Variants in SEMA5A observed in about 807,000 individuals in gnomAD.
The protein encoded by SEMA5A is semaphorin 5A, also known as semaphorin-5A.
Under a neutral mutation model 135.5 loss-of-function variants are expected in SEMA5A, and 55 were observed. The observed-to-expected ratio is 0.41, with a 90% CI of 0.33 to 0.51. SEMA5A has a LOEUF of 0.51. Ranked by LOEUF, SEMA5A falls within the 20% of genes least tolerant of loss-of-function variation. The pLI is 0.37. For missense variants in SEMA5A, 1,290 were observed against 1,419.9 expected (o/e 0.91, Z 1.47); for synonymous variants, 580 against 546.5 (o/e 1.06, Z -0.85).
At chr5:9,499,286 C>G (rs1735463608) in intron 1 of SEMA5A, among the ~76,000 whole-genome samples, 2 of 152,254 alleles carry the variant, frequency 1.3e-5, no homozygotes, top group South Asian at 2.1e-4. Flanking sequence ...GTGTCGTGTC[C>G]TTATTTTCTT....
At chr5:9,052,202 C>T (rs968270159) in intron 19 of SEMA5A, among the ~76,000 whole-genome samples, 174 bp from the exon 20 acceptor site, 11 of 152,164 alleles carry the variant, frequency 7.2e-5, no homozygotes, top group Admixed American at 2.0e-4. Context: ...CCAGTACATA[C>T]AGTACACACG....
chr5:9,108,126 A>G lies in SEMA5A; in HGVS notation c.2073+14T>C. The G allele has an allele frequency of 6.2e-7, 1 of 1,612,180 alleles. No individual in the cohort carries two copies. Among genetic ancestry groups the G allele is most frequent in the Non-Finnish European group, 8.5e-7 (1 of 1,178,828 alleles). ...TCTGGATTGTGGGCTGGGTGTGAGAAGAAGGCTACTCACCACATTGCAGCC... is the reference window on the plus strand; with the variant it reads ...TCTGGATTGTGGGCTGGGTGTGAGAGGAAGGCTACTCACCACATTGCAGCC... On this transcript the variant is annotated intron_variant, in intron 16 of 22. Transcript: ENST00000382496.
chr5:9,140,302 G>T (rs911053325), intron 12 of SEMA5A, among the ~76,000 whole-genome samples: 17 of 152,174 alleles, frequency 1.1e-4, no homozygotes, highest in African/African-American at 3.9e-4. Flanking sequence ...ACACGCAATT[G>T]ATTTAATAAC....
chr5:9,050,814 T>C (rs1736532403), intron 20 of SEMA5A, among the ~76,000 whole-genome samples: 2 of 152,232 alleles, frequency 1.3e-5, no homozygotes, highest in South Asian at 4.1e-4. Context: ...GTATTCCTGC[T>C]TCTGAGACTT....
chr5:9,071,655 CAAGTA>C (rs1737775121), intron 16 of SEMA5A, among the ~76,000 whole-genome samples: 1 of 152,000 alleles, frequency 6.6e-6, no homozygotes, highest in Admixed American at 6.6e-5. Flanking sequence ...TCATACATTG[CAAGTA>C]AAGTAGAGAG....
chr5:9,492,462 T>C (rs962959019), intron 1 of SEMA5A, among the ~76,000 whole-genome samples: 4 of 152,138 alleles, frequency 2.6e-5, no homozygotes, highest in Non-Finnish European at 4.4e-5. Context: ...CCATTAGTTA[T>C]CTGAATGGAG....
chr5:9,165,014 C>G (rs142121881), intron 11 of SEMA5A, among the ~76,000 whole-genome samples: 1 of 152,172 alleles, frequency 6.6e-6, no homozygotes, highest in Non-Finnish European at 1.5e-5. Context: ...CTTCTATCAT[C>G]ATGAGTGCAT....
At chr5:9,359,498 A>C (rs754458117) in intron 3 of SEMA5A, among the ~76,000 whole-genome samples, 1 of 152,190 alleles carries the variant, frequency 6.6e-6, no homozygotes, top group Non-Finnish European at 1.5e-5. Context: ...TGGCCAGAGA[A>C]GGAATTTCCT....
At chr5:9,334,154 G>C (rs1413287316) in intron 4 of SEMA5A, among the ~76,000 whole-genome samples, 1 of 151,874 alleles carries the variant, frequency 6.6e-6, no homozygotes, top group Non-Finnish European at 1.5e-5. Context: ...GGAACATACA[G>C]TATCACTAGT....
intron 1 of SEMA5A, among the ~76,000 whole-genome samples, chr5:9,478,268 C>A (rs268515): frequency 3.3e-5 from 5 of 152,222 alleles, no homozygotes; most frequent in Non-Finnish European, 7.3e-5. Context: ...TCATGGAGAA[C>A]CTCTACTCAG....
chr5:9,071,004 T>C (rs1737739764), intron 16 of SEMA5A, among the ~76,000 whole-genome samples: 1 of 152,200 alleles, frequency 6.6e-6, no homozygotes, highest in Non-Finnish European at 1.5e-5. Context: ...TTAACAAAAC[T>C]GCACTTAATA....
intron 13 of SEMA5A, among the ~76,000 whole-genome samples, chr5:9,133,863 C>T (rs1434402581): frequency 6.6e-6 from 1 of 151,152 alleles, no homozygotes; most frequent in African/African-American, 2.4e-5. Context: ...CTCTGTGTCC[C>T]CACCTAAATC....
intron 9 of SEMA5A, among the ~76,000 whole-genome samples, chr5:9,199,487 C>T (rs1745589539): frequency 6.6e-6 from 1 of 152,194 alleles, no homozygotes; most frequent in African/African-American, 2.4e-5. Flanking sequence ...TCAGGGTCTC[C>T]AGACCTGTGG....
In SEMA5A at chr5:9,422,808, T is replaced by C. The variant is rs183157820; in HGVS notation, c.-78+14948A>G. On this transcript the variant is annotated intron_variant, in intron 2 of 22. Transcript: ENST00000382496. ...TTATTGGTATCACCAATAAAGAGGA[T>C]GTTGAATTATGTTTCTCATTCCAAA... Among the ~76,000 whole-genome samples the C allele has an allele frequency of 2.6e-5, 4 of 152,362 alleles. No homozygotes were observed. The East Asian group carries it at 7.7e-4, about 29-fold the overall frequency.
At chr5:9,130,538 G>T (rs1026508932) in intron 13 of SEMA5A, among the ~76,000 whole-genome samples, 4 of 152,162 alleles carry the variant, frequency 2.6e-5, no homozygotes, top group Non-Finnish European at 4.4e-5. Flanking sequence ...TGGGGCAATA[G>T]TTATCTAATA....
intron 1 of SEMA5A, among the ~76,000 whole-genome samples, chr5:9,461,617 A>G (rs923239648): frequency 6.6e-6 from 1 of 152,166 alleles, no homozygotes; most frequent in Non-Finnish European, 1.5e-5. Flanking sequence ...ACCTGCTCAG[A>G]AACACCACCG....
intron 11 of SEMA5A, among the ~76,000 whole-genome samples, chr5:9,164,732 G>T (rs1743511818): frequency 6.6e-6 from 1 of 152,144 alleles, no homozygotes; most frequent in Non-Finnish European, 1.5e-5. Flanking sequence ...AATTCAGAGA[G>T]AACTAAATGA....
intron 11 of SEMA5A, among the ~76,000 whole-genome samples, chr5:9,173,278 G>A (rs1302066064): frequency 4.2e-5 from 5 of 119,054 alleles, no homozygotes; most frequent in East Asian, 2.5e-4. Flanking sequence ...TTCTTCACCC[G>A]GTTTTTTTTT....
chr5:9,144,956 C>T (rs915802921), intron 12 of SEMA5A, among the ~76,000 whole-genome samples: 4 of 151,908 alleles, frequency 2.6e-5, no homozygotes, highest in Non-Finnish European at 5.9e-5. Context: ...CAGTTTAGTC[C>T]GGAGACCATG....
Sources: gnomAD v4.1 joint callset for allele counts (sites outside exome capture counted in the v4.1 genomes callset) on GRCh38, gnomAD v4.1.1 for gene constraint, MANE v1.5 for transcripts, NCBI Gene and HGNC (gene_info 2026-07-23, HGNC 2026-07-21) for gene names.